MAGI3: variants seen among roughly 807,000 people sequenced by gnomAD.
MAGI3 encodes the protein membrane-associated guanylate kinase, WW and PDZ domain-containing protein 3.
MAGI3 carries 43 observed loss-of-function variants against 121.8 expected under a neutral mutation model. The ratio of observed to expected loss-of-function variants is 0.35; its 90% CI spans 0.28 to 0.46. The LOEUF is 0.46. MAGI3 is among the 20% of genes least tolerant of loss of function. MAGI3 has a pLI of 1.00. For missense variants in MAGI3, 1,547 were observed against 1,797.3 expected (o/e 0.86, Z 2.52); for synonymous variants, 553 against 639.3 (o/e 0.86, Z 2.04).
intron 4 of MAGI3, among the ~76,000 whole-genome samples, chr1:113,588,951 G>A (rs1398345450): frequency 6.6e-6 from 1 of 152,130 alleles, no homozygotes; most frequent in Non-Finnish European, 1.5e-5. Flanking sequence ...TTATGTGGTT[G>A]GATATGATCT....
intron 1 of MAGI3, among the ~76,000 whole-genome samples, chr1:113,401,638 A>G (rs556713096): frequency 4.6e-5 from 7 of 152,258 alleles, no homozygotes; most frequent in African/African-American, 1.7e-4. Context: ...TTTCCTTTCT[A>G]CTTCCTCTGT....
At chr1:113,509,313 T>C (rs1243074537) in intron 1 of MAGI3, among the ~76,000 whole-genome samples, 1 of 152,110 alleles carries the variant, frequency 6.6e-6, no homozygotes, top group East Asian at 1.9e-4. Context: ...GGATAATGTT[T>C]TGTTTTTTCC....
At chr1:113,557,051 A>G (rs1247538051) in intron 2 of MAGI3, among the ~76,000 whole-genome samples, 1 of 152,218 alleles carries the variant, frequency 6.6e-6, no homozygotes, top group East Asian at 1.9e-4. Flanking sequence ...AAACTTTAGC[A>G]GAGAGGGGTA....
At chr1:113,639,297 G>C (rs989544981) in intron 9 of MAGI3, among the ~76,000 whole-genome samples, 6 of 152,352 alleles carry the variant, frequency 3.9e-5, no homozygotes, top group South Asian at 4.1e-4. Flanking sequence ...ACCTCAGATG[G>C]AAATGCAGAA....
chr1:113,595,399 T>G (rs532001047), intron 6 of MAGI3, among the ~76,000 whole-genome samples: 12 of 152,268 alleles, frequency 7.9e-5, no homozygotes, highest in South Asian at 2.1e-4. Context: ...TGTCTTTACC[T>G]TAGGAGATGA....
intron 1 of MAGI3, among the ~76,000 whole-genome samples, chr1:113,400,237 A>G (rs1210399460): frequency 6.6e-6 from 1 of 152,160 alleles, no homozygotes; most frequent in Admixed American, 6.5e-5. Context: ...TCCAAATAAC[A>G]TTTCATACTA....
At chr1:113,562,458 T>G (rs763713011) in intron 2 of MAGI3, among the ~76,000 whole-genome samples, 1 of 152,208 alleles carries the variant, frequency 6.6e-6, no homozygotes, top group Admixed American at 6.5e-5. Context: ...TCCATACTTA[T>G]GAATAGGAAG....
At chr1:113,668,076 C>A (rs1409781150) in intron 16 of MAGI3, among the ~76,000 whole-genome samples, 1 of 152,008 alleles carries the variant, frequency 6.6e-6, no homozygotes, top group Non-Finnish European at 1.5e-5. Context: ...AGATCACTGA[C>A]CACAGATCAC....
chr1:113,506,293 T>C (rs1361955874), intron 1 of MAGI3, among the ~76,000 whole-genome samples: 2 of 152,186 alleles, frequency 1.3e-5, no homozygotes, highest in Non-Finnish European at 2.9e-5. Context: ...CAGCATTAAT[T>C]ATGCAGAACG....
intron 1 of MAGI3, among the ~76,000 whole-genome samples, chr1:113,416,576 A>G (rs1326771034): frequency 7.2e-6 from 1 of 138,214 alleles, no homozygotes; most frequent in East Asian, 2.0e-4. Flanking sequence ...GAAACCATTA[A>G]AGGAAGAGTC....
chr1:113,680,591 A>G (rs1032004612), intron 19 of MAGI3, among the ~76,000 whole-genome samples: 1 of 151,762 alleles, frequency 6.6e-6, no homozygotes, highest in Non-Finnish European at 1.5e-5. Context: ...CCCCATCTCT[A>G]CTAAAAATAC....
chr1:113,478,145 T>A (rs1415094729), intron 1 of MAGI3, among the ~76,000 whole-genome samples: 1 of 152,076 alleles, frequency 6.6e-6, no homozygotes, highest in Non-Finnish European at 1.5e-5. Flanking sequence ...TTTTTCAAGG[T>A]TTTTAGCTTC....
At position 113,684,769 on chromosome 1, in the gene MAGI3, C is replaced by T. The variant is rs1170000138; in HGVS notation, c.*755C>T. ...CATCTCCTGCTGTGTTATCCAACCT[C>T]GATGTATACTTACAGCATCTCAGGT... On this transcript the variant is annotated 3_prime_UTR_variant, in exon 21 of 21. Coordinates refer to ENST00000307546, the MANE Select transcript of MAGI3 (RefSeq NM_001142782.2). 6.6e-6 allele frequency: 1 copy of T among 152,270 alleles called. No homozygotes were observed. Among genetic ancestry groups the T allele is most frequent in the Admixed American group, 6.5e-5 (1 of 15,274 alleles). The allele number at this position is 152,270 out of a possible 1,614,324, so 9.4% of individuals were successfully genotyped here.
intron 6 of MAGI3, among the ~76,000 whole-genome samples, chr1:113,611,088 CTTTT>C (rs139111390): frequency 1.5e-5 from 2 of 137,184 alleles, no homozygotes; most frequent in Admixed American, 7.4e-5. Flanking sequence ...CATAATTATT[CTTTT>C]TTTTTTTTTT....
At chr1:113,417,187 G>C (rs1652495348) in intron 1 of MAGI3, among the ~76,000 whole-genome samples, 1 of 151,828 alleles carries the variant, frequency 6.6e-6, no homozygotes. Context: ...TGAATGTATA[G>C]AGTCATATAA....
chr1:113,478,475 A>C (rs1405577097), intron 1 of MAGI3, among the ~76,000 whole-genome samples: 1 of 152,214 alleles, frequency 6.6e-6, no homozygotes, highest in Non-Finnish European at 1.5e-5. Context: ...TCCTTCTAAC[A>C]GTCAGTTCCC....
intron 1 of MAGI3, among the ~76,000 whole-genome samples, chr1:113,519,918 A>T (rs185634285): frequency 9.1e-4 from 138 of 152,374 alleles, no homozygotes; most frequent in Non-Finnish European, 1.8e-3. Flanking sequence ...CCCAGGGGCT[A>T]GCCAAGGGCT....
intron 6 of MAGI3, among the ~76,000 whole-genome samples, chr1:113,594,997 G>A (rs1424671080): frequency 6.6e-6 from 1 of 152,170 alleles, no homozygotes; most frequent in Non-Finnish European, 1.5e-5. Flanking sequence ...ATTTACAGCA[G>A]CAGTAGAAAT....
At chr1:113,591,605 A>G (rs1648694912) in intron 5 of MAGI3, among the ~76,000 whole-genome samples, 1 of 152,138 alleles carries the variant, frequency 6.6e-6, no homozygotes, top group Non-Finnish European at 1.5e-5. Flanking sequence ...TCTTTTTACT[A>G]TAGATTGCAC....
Sources: allele counts gnomAD v4.1 joint callset (sites outside exome capture counted in the v4.1 genomes callset), GRCh38; gene constraint gnomAD v4.1.1; transcripts MANE v1.5; gene names NCBI Gene and HGNC (gene_info 2026-07-23, HGNC 2026-07-21).